Variants in TRAP1 observed in about 807,000 individuals in gnomAD.
TRAP1 encodes heat shock protein 75 kDa, mitochondrial.
Under a neutral mutation model 89.1 loss-of-function variants are expected in TRAP1, and 102 were observed. The observed-to-expected ratio is 1.15, with a 90% CI of 0.98 to 1.35. The LOEUF (loss-of-function observed/expected upper bound fraction) is 1.35. Ranked by LOEUF, TRAP1 falls within the 40% of genes most tolerant of loss-of-function variation. The pLI is 0.00. For synonymous variants in TRAP1, 508 were observed against 388.0 expected (o/e 1.31, Z -3.64); for missense variants, 1,256 against 945.3 (o/e 1.33, Z -4.31).
intron 10 of TRAP1, among the ~76,000 whole-genome samples, chr16:3,672,437 A>G (rs116413872): frequency 1.3e-5 from 2 of 152,326 alleles, no homozygotes; most frequent in South Asian, 2.1e-4. Context: ...CACAACTCAC[A>G]TATCAATCTG....
intron 1 of TRAP1, among the ~76,000 whole-genome samples, chr16:3,699,607 T>C (rs1242631159): frequency 7.7e-6 from 1 of 129,642 alleles, no homozygotes; most frequent in Non-Finnish European, 1.5e-5. Flanking sequence ...GCAGCCTGGG[T>C]GACAAGAGTG....
In TRAP1 at chr16:3,674,429, G is replaced by A. The variant is rs776621908; in HGVS notation, c.954C>T (p.Val318=). ...AGCGGGGCTTGTCGTGAGCCTGCGC[G>A]ACGTAGCGGTAGAACTCCTCATGTT... The part of the protein sequence containing the change: ...EWQHEEFYRY[V]AQAHDKPRYT... Residue 318 remains valine (V), a synonymous_variant, in exon 9 of 18, where the codon GTC becomes GTT. Coordinates refer to ENST00000246957, the MANE Select transcript of TRAP1 (RefSeq NM_016292.3). 1.9e-5 allele frequency: 30 copies of A among 1,613,972 alleles called. No homozygotes were observed. The highest frequency in any genetic ancestry group is 1.4e-4 in the South Asian group (13 of 91,090).
At chr16:3,711,209 T>C (rs78876543) in intron 1 of TRAP1, among the ~76,000 whole-genome samples, 25,132 of 151,906 alleles carry the variant, frequency 0.17, 2,387 homozygotes, top group East Asian at 0.29. Context: ...TTCTTAATTA[T>C]ATGGCTATGA....
At chr16:3,669,411 G>C (rs887441248) in intron 11 of TRAP1, among the ~76,000 whole-genome samples, 2 of 152,162 alleles carry the variant, frequency 1.3e-5, no homozygotes, top group African/African-American at 2.4e-5. Flanking sequence ...CAAGCACTGA[G>C]GCCCCCTTTT....
intron 1 of TRAP1, among the ~76,000 whole-genome samples, chr16:3,711,828 G>T (rs571573381): frequency 6.6e-6 from 1 of 152,266 alleles, no homozygotes; most frequent in African/African-American, 2.4e-5. Context: ...CAGCTTCCTA[G>T]TAGAAGGCAG....
chr16:3,691,279 C>T (rs981331476), intron 1 of TRAP1: 5 of 239,456 alleles, frequency 2.1e-5, no homozygotes, highest in Non-Finnish European at 4.0e-5. Context: ...TCTGTCACTG[C>T]GATCACAGCT....
Position 3,666,039 on chromosome 16 carries a change from T to C in TRAP1, c.1315A>G (p.Lys439Glu), listed in dbSNP as rs759356466. 1 of 1,614,046 alleles carries C rather than the reference T, an allele frequency of 6.2e-7. No individual in the cohort carries two copies. The highest frequency in any genetic ancestry group is 1.3e-5 in the African/African-American group (1 of 74,928). Reference protein sequence around the residue: ...QSKKDAEKYAKFFEDYGLFMR... With the variant: ...QSKKDAEKYAEFFEDYGLFMR... ...AACAGGCCGTAATCTTCAAAAAACTTTGCATACTTCTCAGCATCTTTTTTA... is the reference window on the plus strand; with the variant it reads ...AACAGGCCGTAATCTTCAAAAAACTCTGCATACTTCTCAGCATCTTTTTTA... Residue 439 changes from lysine to glutamate, a missense_variant, in exon 12 of 18, where the codon AAG becomes GAG. By Grantham distance (56) the Lys-to-Glu change is moderately conservative (BLOSUM62 1). Transcript: ENST00000246957.
chr16:3,681,088 G>A (rs188004738), intron 4 of TRAP1, among the ~76,000 whole-genome samples: 108 of 152,180 alleles, frequency 7.1e-4, no homozygotes, highest in South Asian at 1.2e-3. Flanking sequence ...GCAGATCCTC[G>A]CTCAACATGC....
In TRAP1 at chr16:3,674,672, G is replaced by C. The variant is rs2050963967; in HGVS notation, c.889-178C>G. The C allele has an allele frequency of 1.9e-5, 14 of 718,258 alleles. No homozygotes were observed. The East Asian group carries it at 3.8e-4, about 20-fold the overall frequency. The allele number at this position is 718,258 out of a possible 1,614,324, so 44.5% of individuals were successfully genotyped here. On this transcript the variant is annotated intron_variant, in intron 8 of 17. Transcript: ENST00000246957. ...CCGCTGGGCTATGCCGGGTAGTGCAGGGGAGACACACAAGGCTCTGGGGCA... is the reference window on the plus strand; with the variant it reads ...CCGCTGGGCTATGCCGGGTAGTGCACGGGAGACACACAAGGCTCTGGGGCA...
intron 1 of TRAP1, among the ~76,000 whole-genome samples, chr16:3,707,654 G>C (rs1283496997): frequency 3.3e-5 from 5 of 149,276 alleles, no homozygotes; most frequent in Non-Finnish European, 7.4e-5. Flanking sequence ...AGGAGTTCGA[G>C]ACCAGCCTGG....
At chr16:3,703,908 G>A (rs1448323989) in intron 1 of TRAP1, among the ~76,000 whole-genome samples, 2 of 151,822 alleles carry the variant, frequency 1.3e-5, no homozygotes, top group African/African-American at 2.4e-5. Flanking sequence ...CCAGCTACTC[G>A]GGAGGCTGAG....
At chr16:3,703,923 G>T (rs1034408663) in intron 1 of TRAP1, among the ~76,000 whole-genome samples, 5 of 149,786 alleles carry the variant, frequency 3.3e-5, no homozygotes, top group Non-Finnish European at 5.9e-5. Flanking sequence ...GCTGAGGCAG[G>T]AGAATGGAGT....
intron 4 of TRAP1, among the ~76,000 whole-genome samples, chr16:3,684,905 T>G (rs1216723577): frequency 1.3e-5 from 2 of 152,198 alleles, no homozygotes; most frequent in Non-Finnish European, 2.9e-5. Context: ...TGCTCAAATT[T>G]TCTGTAAATC....
intron 15 of TRAP1, chr16:3,662,676 C>G (rs1313230190): frequency 2.9e-6 from 2 of 693,734 alleles, no homozygotes; most frequent in East Asian, 5.5e-5. Context: ...TGGAGCAGGG[C>G]TGGGAGAAAG....
intron 1 of TRAP1, among the ~76,000 whole-genome samples, chr16:3,710,870 TATATATA>T: frequency 1.8e-5 from 2 of 112,598 alleles, no homozygotes; most frequent in Non-Finnish European, 3.4e-5. Context: ...TATATATATA[TATATATA>T]TATTTTTTTT....
intron 1 of TRAP1, among the ~76,000 whole-genome samples, chr16:3,694,894 C>A (rs1277591670): frequency 6.6e-6 from 1 of 152,160 alleles, no homozygotes; most frequent in Non-Finnish European, 1.5e-5. Flanking sequence ...AGCAAGAAGT[C>A]CAAGATCAAG....
intron 1 of TRAP1, among the ~76,000 whole-genome samples, chr16:3,691,294 G>A (rs1020590739): frequency 2.6e-5 from 4 of 152,160 alleles, no homozygotes; most frequent in Non-Finnish European, 5.9e-5. Flanking sequence ...ACAGCTCACT[G>A]CAGCCCCAAC....
In TRAP1 at chr16:3,663,523, G is replaced by A. The variant is rs1234411684; in HGVS notation, c.1609C>T (p.Leu537=). The change falls in exon 14 of 18, where the codon CTG becomes TTG. Residue 537 remains leucine (L), a synonymous_variant. Coordinates refer to ENST00000246957, the MANE Select transcript of TRAP1 (RefSeq NM_016292.3). ...CFEQFDELTL[L]HLREFDKKKL... ...TTCTTGTCAAACTCACGAAGGTGCA[G>A]CAGGGTGAGCTCATCAAACTGCTCA... 6 of 1,614,156 alleles carry A rather than the reference G, an allele frequency of 3.7e-6. No homozygotes were observed. In the East Asian group the frequency reaches 1.1e-4, roughly 30 times the overall value.
At chr16:3,666,834 G>A (rs2050838865) in intron 11 of TRAP1, among the ~76,000 whole-genome samples, 1 of 152,174 alleles carries the variant, frequency 6.6e-6, no homozygotes, top group South Asian at 2.1e-4. Context: ...GATATTTACT[G>A]CAGCATTACA....
Sources: gnomAD v4.1 joint callset for allele counts (sites outside exome capture counted in the v4.1 genomes callset) on GRCh38, gnomAD v4.1.1 for gene constraint, MANE v1.5 for transcripts, NCBI Gene and HGNC (gene_info 2026-07-23, HGNC 2026-07-21) for gene names.